NUDT9: variants seen among roughly 807,000 people sequenced by gnomAD.
NUDT9 encodes the protein nudix hydrolase 9, also known as ADP-ribose pyrophosphatase.
NUDT9 carries 31 observed loss-of-function variants against 41.0 expected under a neutral mutation model. The ratio of observed to expected loss-of-function variants is 0.76; its 90% CI spans 0.57 to 1.02. NUDT9 has a LOEUF of 1.02. NUDT9 is among the 50% of genes least tolerant of loss of function. The probability of loss-of-function intolerance (pLI) is 0.00; values close to 1 mark genes in which losing one functional copy is unlikely to be tolerated. For missense variants in NUDT9, 380 were observed against 431.4 expected, an observed-to-expected ratio of 0.88 and a Z score of 1.06; for synonymous variants, 146 against 147.6, an observed-to-expected ratio of 0.99 and a Z score of 0.08.
At chr4:87,447,758 G>A (rs962993059) in intron 4 of NUDT9, among the ~76,000 whole-genome samples, 11 of 152,162 alleles carry the variant, frequency 7.2e-5, no homozygotes, top group African/African-American at 2.7e-4. Flanking sequence ...GAGAAGCAGG[G>A]CCGGGTGGCT....
chr4:87,455,234 G>T (rs556700094), intron 7 of NUDT9, among the ~76,000 whole-genome samples: 33 of 152,290 alleles, frequency 2.2e-4, no homozygotes, highest in Admixed American at 3.9e-4. Context: ...GCTAGAACTA[G>T]ATCTGTCATT....
chr4:87,438,228 GT>G, intron 2 of NUDT9, 48 bp from the exon 3 acceptor site: 1 of 936,492 alleles, frequency 1.1e-6, no homozygotes, highest in South Asian at 1.4e-5. Context: ...TAAGCTGTTG[GT>G]AGTTTTGAAT....
chr4:87,449,277 G>C (rs1436570766), intron 5 of NUDT9, 24 bp downstream of exon 5: 1 of 1,271,468 alleles, frequency 7.9e-7, no homozygotes, highest in African/African-American at 1.5e-5. Flanking sequence ...TTAAATTAGT[G>C]TTTAAGTTCC....
intron 2 of NUDT9, among the ~76,000 whole-genome samples, chr4:87,435,863 A>C (rs12640894): frequency 2.0e-5 from 3 of 152,178 alleles, no homozygotes; most frequent in Non-Finnish European, 4.4e-5. Flanking sequence ...ATATTTTGAC[A>C]TACATATACA....
intron 1 of NUDT9, among the ~76,000 whole-genome samples, chr4:87,430,032 C>T (rs1578066044): frequency 6.6e-6 from 1 of 152,178 alleles, no homozygotes; most frequent in African/African-American, 2.4e-5. Flanking sequence ...AGGTTAAGGA[C>T]TTTGAGATGG....
chr4:87,446,466 T>A (rs1372424507), intron 4 of NUDT9, among the ~76,000 whole-genome samples: 1 of 151,976 alleles, frequency 6.6e-6, no homozygotes, highest in African/African-American at 2.4e-5. Flanking sequence ...ATCTCTTGAC[T>A]TCGTGATCTG....
chr4:87,429,837 C>T (rs1476247117), intron 1 of NUDT9, among the ~76,000 whole-genome samples: 1 of 151,894 alleles, frequency 6.6e-6, no homozygotes, highest in East Asian at 1.9e-4. Flanking sequence ...TTCACATCAG[C>T]ACCTTATTTC....
intron 7 of NUDT9, among the ~76,000 whole-genome samples, 160 bp downstream of exon 7, chr4:87,454,615 A>C (rs975626500): frequency 6.6e-6 from 1 of 152,256 alleles, no homozygotes; most frequent in Non-Finnish European, 1.5e-5. Context: ...GTATTAAAGG[A>C]ATACATAGAA....
Position 87,430,035 on chromosome 4 carries a change from T to A in NUDT9, c.108-4946T>A, listed in dbSNP as rs555912698. 6.0e-4 allele frequency among the ~76,000 whole-genome samples: 92 copies of A among 152,244 alleles called. 3 individuals are homozygous for A. The South Asian group carries it at 0.019, about 31-fold the overall frequency. Reference sequence around the variant, plus strand: ...CAGAGGTGGTTAAGGTTAAGGACTTTGAGATGGGGAGAGCATCCTGGAAGG... The same window carrying A: ...CAGAGGTGGTTAAGGTTAAGGACTTAGAGATGGGGAGAGCATCCTGGAAGG... On this transcript the variant is annotated intron_variant, in intron 1 of 7. Transcript: ENST00000302174.
chr4:87,458,033 C>T lies in NUDT9; in HGVS notation c.*12C>T, dbSNP rs1481099600. 8.0e-6 allele frequency: 12 copies of T among 1,505,780 alleles called. No homozygotes were observed. In the East Asian group the frequency reaches 1.2e-4, roughly 15 times the overall value. 93.3% of individuals were successfully genotyped at this position (1,505,780 alleles called of 1,614,324 possible). On this transcript the variant is annotated 3_prime_UTR_variant, in exon 8 of 8. Coordinates refer to ENST00000302174, the MANE Select transcript of NUDT9 (RefSeq NM_024047.5). ...GCCATGCGTTGTAGCTGATGGTCTC[C>T]GTGTAAGCCAAAGGCCCACAGAGGA...
chr4:87,446,812 A>G (rs1013245092), intron 4 of NUDT9, among the ~76,000 whole-genome samples: 2 of 152,238 alleles, frequency 1.3e-5, no homozygotes, highest in Non-Finnish European at 2.9e-5. Context: ...TTATATATAT[A>G]TAATAAATGC....
intron 2 of NUDT9, 112 bp from the exon 3 acceptor site, chr4:87,438,165 A>G (rs1367414133): frequency 3.7e-6 from 2 of 534,832 alleles, no homozygotes; most frequent in Non-Finnish European, 6.5e-6. Context: ...TAACCCTTAA[A>G]AATTTATTGT....
chr4:87,428,410 A>G (rs1266435702), intron 1 of NUDT9, among the ~76,000 whole-genome samples: 1 of 152,250 alleles, frequency 6.6e-6, no homozygotes, highest in Non-Finnish European at 1.5e-5. Context: ...ATTTATGTCC[A>G]CACAAAAACC....
intron 1 of NUDT9, among the ~76,000 whole-genome samples, chr4:87,426,311 G>A (rs1488274877): frequency 6.6e-6 from 1 of 152,100 alleles, no homozygotes; most frequent in East Asian, 1.9e-4. Context: ...TTAAGAGCCT[G>A]GAATTCTAAG....
intron 1 of NUDT9, among the ~76,000 whole-genome samples, chr4:87,423,557 T>C (rs1702995384): frequency 6.6e-6 from 1 of 152,202 alleles, no homozygotes; most frequent in Admixed American, 6.5e-5. Flanking sequence ...TTCTTTGAGT[T>C]AGTAAACACA....
intron 1 of NUDT9, among the ~76,000 whole-genome samples, chr4:87,423,805 G>A (rs555663720): frequency 6.6e-6 from 1 of 152,062 alleles, no homozygotes; most frequent in African/African-American, 2.4e-5. Context: ...TACATGGGTC[G>A]CTAATTGACT....
At position 87,422,627 on chromosome 4, in the gene NUDT9, C is replaced by G. The variant is rs928703657; in HGVS notation, c.-279C>G. ...GAGAGAAAGTTACGAGGTTCGTGGC[C>G]GCGGTTTCCCCAGGCAGCTGGCGCT... On this transcript the variant is annotated 5_prime_UTR_variant, in exon 1 of 8. Transcript: ENST00000302174. 2 of 330,450 alleles carry G rather than the reference C, an allele frequency of 6.1e-6. No homozygotes were observed. Among genetic ancestry groups the G allele is most frequent in the Non-Finnish European group, 1.1e-5 (2 of 183,062 alleles). The allele number at this position is 330,450 out of a possible 1,614,324, so 20.5% of individuals were successfully genotyped here. A position where few individuals can be genotyped will look rare whatever the true frequency, so the allele number is the denominator to read the frequency against.
In NUDT9 at chr4:87,424,807, A is replaced by G. The variant is rs192737130; in HGVS notation, c.107+1795A>G. On this transcript the variant is annotated intron_variant, in intron 1 of 7. Transcript: ENST00000302174. ...GCTCTTTTTGTTAGATGCCAGCAGA[A>G]CAGTGTAAAGTTGCTTGACAGTTAT... 6.2e-4 allele frequency among the ~76,000 whole-genome samples: 95 copies of G among 152,318 alleles called. 1 individual carries two copies. Among genetic ancestry groups the G allele is most frequent in the South Asian group, 2.1e-4 (1 of 4,822 alleles).
In NUDT9 at chr4:87,435,373, A is replaced by G. The variant is rs1026444604; in HGVS notation, c.347+153A>G. On this transcript the variant is annotated intron_variant, in intron 2 of 7. Transcript: ENST00000302174. ...TCCACATTTGCTTGAATTCTTGCCA[A>G]AGATAAACAGTTCATATTTGTTTAT... is the stretch of plus-strand genomic sequence containing the variant. The G allele has an allele frequency of 9.3e-6, 8 of 859,728 alleles. No homozygotes were observed. In the Admixed American group the frequency reaches 2.3e-4, roughly 24 times the overall value. 53.3% of individuals were successfully genotyped at this position (859,728 alleles called of 1,614,324 possible).
Sources: gnomAD v4.1 joint callset for allele counts (sites outside exome capture counted in the v4.1 genomes callset) on GRCh38, gnomAD v4.1.1 for gene constraint, MANE v1.5 for transcripts, NCBI Gene and HGNC (gene_info 2026-07-23, HGNC 2026-07-21) for gene names.